MTMR2: variants seen among roughly 807,000 people sequenced by gnomAD.
The protein encoded by MTMR2 is phosphatidylinositol-3,5-bisphosphate 3-phosphatase MTMR2.
In MTMR2, 55 loss-of-function variants were observed where a neutral mutation model predicts 86.9. The observed-to-expected ratio is 0.63, with a 90% CI of 0.51 to 0.79. The LOEUF (loss-of-function observed/expected upper bound fraction) is 0.79. Among genes scored for constraint, MTMR2 ranks in the 30% least tolerant of loss-of-function variants. The pLI is 0.00. For synonymous variants in MTMR2, 241 were observed against 266.8 expected (o/e 0.90, Z 0.94); for missense variants, 659 against 772.3 (o/e 0.85, Z 1.74).
intron 3 of MTMR2, 106 bp downstream of exon 3, chr11:95,865,495 C>T (rs541183487): frequency 9.8e-7 from 1 of 1,025,480 alleles, no homozygotes; most frequent in African/African-American, 1.6e-5. Flanking sequence ...TTCTGCCAGA[C>T]AGGAGGTGTC....
At chr11:95,838,318 A>G in intron 12 of MTMR2, 111 bp from the exon 13 acceptor site, 2 of 701,448 alleles carry the variant, frequency 2.9e-6, no homozygotes, top group Non-Finnish European at 5.3e-6. Flanking sequence ...TAAACATTCA[A>G]ATCTACATTA....
chr11:95,865,705 AT>A (rs781776839), intron 2 of MTMR2, 29 bp from the exon 3 acceptor site: 2 of 1,559,554 alleles, frequency 1.3e-6, no homozygotes, highest in East Asian at 2.2e-5. Flanking sequence ...AAAAAGAAAC[AT>A]TTTTTTATTC....
chr11:95,921,147 T>C (rs1866906587), intron 1 of MTMR2, among the ~76,000 whole-genome samples: 1 of 152,228 alleles, frequency 6.6e-6, no homozygotes, highest in Non-Finnish European at 1.5e-5. Flanking sequence ...TAGTTACCAC[T>C]TACTAACAAA....
At chr11:95,836,002 G>C in intron 14 of MTMR2, 146 bp downstream of exon 14, 1 of 835,606 alleles carries the variant, frequency 1.2e-6, no homozygotes, top group Non-Finnish European at 2.0e-6. Context: ...CCCCAGTGTA[G>C]TATTTTTCTA....
intron 2 of MTMR2, among the ~76,000 whole-genome samples, chr11:95,885,853 C>A (rs1865496325): frequency 6.6e-6 from 1 of 152,074 alleles, no homozygotes; most frequent in Non-Finnish European, 1.5e-5. Flanking sequence ...TCAAGGTTAT[C>A]ATCAGCAGTG....
At chr11:95,885,063 C>T (rs1446257063) in intron 2 of MTMR2, among the ~76,000 whole-genome samples, 3 of 151,980 alleles carry the variant, frequency 2.0e-5, no homozygotes, top group African/African-American at 7.2e-5. Context: ...TAGTAAGGCA[C>T]TAATGGGGAT....
intron 2 of MTMR2, chr11:95,866,601 T>C (rs1565361685): frequency 6.6e-6 from 1 of 151,174 alleles, no homozygotes; most frequent in Non-Finnish European, 1.5e-5. Context: ...CCTAAAGAAA[T>C]AGTATATACA....
rs561738800 is a variant in MTMR2, at chr11:95,834,496, G to C, written c.*794C>G. The C allele has an allele frequency of 3.0e-4, 45 of 152,116 alleles. No individual in the cohort carries two copies. Among genetic ancestry groups the C allele is most frequent in the African/African-American group, 1.1e-3 (44 of 41,502 alleles). The allele number at this position is 152,116 out of a possible 1,614,324, so 9.4% of individuals were successfully genotyped here. On this transcript the variant is annotated 3_prime_UTR_variant, in exon 15 of 15. Coordinates refer to ENST00000346299, the MANE Select transcript of MTMR2 (RefSeq NM_016156.6). ...AGCTTCTGTGTGTTCAGACACACAA[G>C]ACAAGTGAAATACACTGTAGTAAAT...
At position 95,912,649 on chromosome 11, in the gene MTMR2, C is replaced by T. The variant is rs138277220; in HGVS notation, c.80+11226G>A. ...ATATAAAATATACACAATACTAAAA[C>T]GAATTCAAACTCTTATAGTTCAAAA... On this transcript the variant is annotated intron_variant, in intron 1 of 14. Coordinates refer to ENST00000346299, the MANE Select transcript of MTMR2 (RefSeq NM_016156.6). 6.5e-3 allele frequency among the ~76,000 whole-genome samples: 994 copies of T among 151,772 alleles called. 28 individuals carry two copies. Among genetic ancestry groups the T allele is most frequent in the Admixed American group, 0.042 (633 of 15,248 alleles).
chr11:95,887,897 C>T, intron 2 of MTMR2: 3 of 406,214 alleles, frequency 7.4e-6, no homozygotes, highest in South Asian at 7.2e-5. Flanking sequence ...TCATAAAAAT[C>T]TTTTATACCA....
Position 95,833,625 on chromosome 11 carries a change from G to C in MTMR2, c.*1665C>G, listed in dbSNP as rs886277412. On this transcript the variant is annotated 3_prime_UTR_variant, in exon 15 of 15. Transcript: ENST00000346299. ...AGTGGATGCAAGTATGTTAAGACTA[G>C]AAGCTTTAAATTCTTGATCTCTTCA... is the stretch of plus-strand genomic sequence containing the variant. 1 of 152,078 alleles carries C rather than the reference G, an allele frequency of 6.6e-6. No individual in the cohort carries two copies. The highest frequency in any genetic ancestry group is 6.6e-5 in the Admixed American group (1 of 15,246). The allele number at this position is 152,078 out of a possible 1,614,324, so 9.4% of individuals were successfully genotyped here.
At chr11:95,876,275 T>C (rs779791371) in intron 2 of MTMR2, among the ~76,000 whole-genome samples, 1 of 152,186 alleles carries the variant, frequency 6.6e-6, no homozygotes, top group Non-Finnish European at 1.5e-5. Flanking sequence ...ACCTATCTTC[T>C]TAAAATGGTG....
chr11:95,835,216 G>A lies in MTMR2; in HGVS notation c.*74C>T, dbSNP rs570725885. On this transcript the variant is annotated 3_prime_UTR_variant, in exon 15 of 15. Transcript: ENST00000346299. ...CTCTCATAGATGGGTTCTAAATTCC[G>A]AAGACTTTCTACTCATAGAGCTGCC... 1.6e-4 allele frequency: 233 copies of A among 1,494,460 alleles called. 1 individual carries two copies. The highest frequency in any genetic ancestry group is 2.6e-4 in the South Asian group (23 of 87,190). The allele number at this position is 1,494,460 out of a possible 1,614,324, so 92.6% of individuals were successfully genotyped here.
intron 7 of MTMR2, among the ~76,000 whole-genome samples, chr11:95,854,073 C>T (rs537749252): frequency 6.6e-6 from 1 of 152,228 alleles, no homozygotes; most frequent in East Asian, 1.9e-4. Context: ...GGAATGAGAA[C>T]CAATGACTTA....
intron 8 of MTMR2, 42 bp downstream of exon 8, chr11:95,850,558 T>TA (rs1863976214): frequency 1.9e-6 from 3 of 1,591,894 alleles, no homozygotes; most frequent in Non-Finnish European, 2.6e-6. Context: ...TTATGTTGAG[T>TA]AAAAAAGCAC....
chr11:95,881,159 T>C lies in MTMR2; in HGVS notation c.186+6997A>G, dbSNP rs578023894. On this transcript the variant is annotated intron_variant, in intron 2 of 14. Coordinates refer to ENST00000346299, the MANE Select transcript of MTMR2 (RefSeq NM_016156.6). ...TTTTTTAAACATGGCCAACCTAGCA[T>C]TGATTACCAAATAGTTCATTCTTTC... 4.4e-3 allele frequency among the ~76,000 whole-genome samples: 664 copies of C among 152,162 alleles called. 1 individual carries two copies. Among genetic ancestry groups the C allele is most frequent in the African/African-American group, 0.015 (613 of 41,562 alleles).
At chr11:95,837,075 T>G (rs1863318110) in intron 13 of MTMR2, among the ~76,000 whole-genome samples, 1 of 152,050 alleles carries the variant, frequency 6.6e-6, no homozygotes. Context: ...TCTTCGAAAC[T>G]TAGCTATGCT....
chr11:95,839,855 G>A (rs1000183960), intron 12 of MTMR2, among the ~76,000 whole-genome samples: 2 of 152,026 alleles, frequency 1.3e-5, no homozygotes, highest in Non-Finnish European at 2.9e-5. Context: ...AAAAACACTA[G>A]GTGTATAAAA....
At chr11:95,850,507 T>C in intron 8 of MTMR2, 93 bp downstream of exon 8, 1 of 1,281,452 alleles carries the variant, frequency 7.8e-7, no homozygotes, top group Non-Finnish European at 1.1e-6. Context: ...GCTGTAGCTA[T>C]TTATATCCTG....
Sources: gnomAD v4.1 joint callset for allele counts (sites outside exome capture counted in the v4.1 genomes callset) on GRCh38, gnomAD v4.1.1 for gene constraint, MANE v1.5 for transcripts, NCBI Gene and HGNC (gene_info 2026-07-23, HGNC 2026-07-21) for gene names.